PCDHGA3: variants seen among roughly 807,000 people sequenced by gnomAD.
PCDHGA3 encodes the protein protocadherin gamma-A3.
PCDHGA3 carries 40 observed loss-of-function variants against 58.5 expected under a neutral mutation model. That is an observed-to-expected ratio of 0.68 (90% confidence interval 0.53 to 0.89). PCDHGA3 has a LOEUF of 0.89. Among genes scored for constraint, PCDHGA3 ranks in the 40% least tolerant of loss-of-function variants. PCDHGA3 has a pLI of 0.00. For missense variants in PCDHGA3, 1,223 were observed against 1,195.9 expected (o/e 1.02, Z -0.33); for synonymous variants, 530 against 525.7 (o/e 1.01, Z -0.11).
chr5:141,454,575 T>G (rs1430018751), intron 1 of PCDHGA3, among the ~76,000 whole-genome samples: 1 of 151,400 alleles, frequency 6.6e-6, no homozygotes, highest in African/African-American at 2.4e-5. Context: ...CCCGGCTAAT[T>G]TTGTATTTTT....
At chr5:141,415,740 G>GTTTTTTTTTTTTTTTTTTTTTTTTTTT (rs57426385) in intron 1 of PCDHGA3, 4 of 625,042 alleles carry the variant, frequency 6.4e-6, no homozygotes, top group Non-Finnish European at 6.4e-6. Flanking sequence ...GTTTATTAAG[G>GTTTTTTTTTTTTTTTTTTTTTTTTTTT]TTTTTTTTTT....
At chr5:141,408,251 C>T (rs761835750) in intron 1 of PCDHGA3, 6 of 1,597,008 alleles carry the variant, frequency 3.8e-6, no homozygotes, top group Middle Eastern at 1.7e-4. Context: ...GCGGCAGGTG[C>T]TATTTCCTTT....
intron 1 of PCDHGA3, chr5:141,413,515 G>C: frequency 6.2e-7 from 1 of 1,613,984 alleles, no homozygotes; most frequent in Non-Finnish European, 8.5e-7. Context: ...TAATATCCTT[G>C]TGGAAGACAG....
At chr5:141,347,623 C>A (rs2149746008) in intron 1 of PCDHGA3, among the ~76,000 whole-genome samples, 1 of 152,056 alleles carries the variant, frequency 6.6e-6, no homozygotes, top group Non-Finnish European at 1.5e-5. Context: ...CCTGTCTCTA[C>A]TAAAAATACA....
chr5:141,393,620 G>T (rs1335715353), intron 1 of PCDHGA3: 1 of 1,613,908 alleles, frequency 6.2e-7, no homozygotes, highest in Non-Finnish European at 8.5e-7. Flanking sequence ...CCAGCGACCC[G>T]GATGAGGGAA....
rs778684539 is a variant in PCDHGA3 at position 141,477,205 on chromosome 5, G to A, written c.2425-17602G>A. ...CCTCCGTGTACAGCCCAGTACCCGA[G>A]GATGCCCCTCTGGGGACTGTCATCG... On this transcript the variant is annotated intron_variant, in intron 1 of 3. Transcript: ENST00000253812. The surrounding 1 kb of genome is among the most constrained non-coding windows in gnomAD (Gnocchi z 4.9). 1 of 1,614,184 alleles carries A rather than the reference G, an allele frequency of 6.2e-7. No homozygotes were observed. The highest frequency in any genetic ancestry group is 8.5e-7 in the Non-Finnish European group (1 of 1,180,042).
In PCDHGA3 at chr5:141,346,030, A is replaced by G. The variant is rs759448742; in HGVS notation, c.1997A>G (p.Asp666Gly). 6.2e-7 allele frequency: 1 copy of G among 1,612,640 alleles called. No individual in the cohort carries two copies. Among genetic ancestry groups the G allele is most frequent in the Non-Finnish European group, 8.5e-7 (1 of 1,179,630 alleles). ...ATVTLTVAVA[D>G]RIPDILADLG... ...GTCACGCTCACCGTGGCCGTGGCCG[A>G]CAGGATCCCCGACATCCTGGCCGAC... Residue 666 changes from aspartate to glycine, a missense_variant, in exon 1 of 4, where the codon GAC (aspartate) becomes GGC (glycine). By Grantham distance (94) the Asp-to-Gly change is moderately conservative (BLOSUM62 -1). This residue lies in a region of PCDHGA3 where 107 missense variants were observed against 159.8 expected (regional missense o/e 0.67). Coordinates refer to ENST00000253812, the MANE Select transcript of PCDHGA3 (RefSeq NM_018916.4).
At chr5:141,356,015 G>A in intron 1 of PCDHGA3, 1 of 1,613,926 alleles carries the variant, frequency 6.2e-7, no homozygotes, top group Non-Finnish European at 8.5e-7. Flanking sequence ...CCAGATGAAG[G>A]AGCCAATGGA....
At chr5:141,497,223 T>G (rs921763195) in intron 2 of PCDHGA3, among the ~76,000 whole-genome samples, 14 of 151,762 alleles carry the variant, frequency 9.2e-5, no homozygotes, top group African/African-American at 3.4e-4. Context: ...GGGGGGAAGA[T>G]CAGAGAAGGC....
At position 141,371,163 on chromosome 5, in the gene PCDHGA3, G is replaced by C. The variant is rs79773129; in HGVS notation, c.2424+24706G>C. 1.0e-4 allele frequency: 165 copies of C among 1,613,984 alleles called. No individual in the cohort carries two copies. In the African/African-American group the frequency reaches 2.0e-3, roughly 19 times the overall value. ...GGTCAATGTTGCAGAGAACCTGCCC[G>C]CTGGCTCCTCCGTATTAAAAGTGAT... On this transcript the variant is annotated intron_variant, in intron 1 of 3. Coordinates refer to ENST00000253812, the MANE Select transcript of PCDHGA3 (RefSeq NM_018916.4).
chr5:141,408,575 G>A (rs1300122367), intron 1 of PCDHGA3: 4 of 1,613,918 alleles, frequency 2.5e-6, no homozygotes, highest in East Asian at 2.2e-5. Context: ...GGTGATTGAG[G>A]ATGTTAATGA....
At chr5:141,393,129 A>G in intron 1 of PCDHGA3, 2 of 1,613,426 alleles carry the variant, frequency 1.2e-6, no homozygotes, top group Non-Finnish European at 1.7e-6. Context: ...TCTGATAAAT[A>G]TTAACACCCT....
rs764564541 is a variant in PCDHGA3, at chr5:141,345,639, G to T, written c.1606G>T (p.Asp536Tyr). The change falls in exon 1 of 4, where the codon GAC (aspartate) becomes TAC (tyrosine). Residue 536 changes from aspartate to tyrosine, a missense_variant. Asp to Tyr is a radical substitution (Grantham distance 160). Around this residue, in one of 3 missense-constraint regions of PCDHGA3, gnomAD observed 791 missense variants for 708.5 expected, o/e 1.12. Coordinates refer to ENST00000253812, the MANE Select transcript of PCDHGA3 (RefSeq NM_018916.4). ...RDLKLLVTAS[D>Y]SGNPPLSSNV... ...CTTAAAGCTACTGGTGACAGCCAGC[G>T]ACAGCGGGAACCCTCCACTCAGCAG... The T allele has an allele frequency of 3.7e-6, 6 of 1,614,180 alleles. No homozygotes were observed. Among genetic ancestry groups the T allele is most frequent in the Non-Finnish European group, 5.1e-6 (6 of 1,180,044 alleles).
intron 1 of PCDHGA3, chr5:141,350,288 A>G: frequency 2.0e-6 from 3 of 1,513,308 alleles, no homozygotes; most frequent in Non-Finnish European, 2.6e-6. Flanking sequence ...AGCCGAAATG[A>G]TGAAAAGTCA....
intron 1 of PCDHGA3, chr5:141,372,345 C>G: frequency 1.2e-6 from 2 of 1,613,816 alleles, no homozygotes; most frequent in South Asian, 2.2e-5. Context: ...TGATGGAGGA[C>G]AGCAGCCTCT....
intron 1 of PCDHGA3, chr5:141,360,957 C>G: frequency 1.2e-6 from 2 of 1,613,904 alleles, no homozygotes; most frequent in Non-Finnish European, 1.7e-6. Context: ...AAGGCATAAA[C>G]GCAGAGATCA....
Position 141,489,072 on chromosome 5 carries a change from AC to A in PCDHGA3, c.2425-5730del. The A allele has an allele frequency of 6.3e-6, 1 of 157,708 alleles. No individual in the cohort carries two copies. The highest frequency in any genetic ancestry group is 1.2e-5 in the Non-Finnish European group (1 of 83,994). The allele number at this position is 157,708 out of a possible 1,614,324, so 9.8% of individuals were successfully genotyped here. On this transcript the variant is annotated intron_variant, in intron 1 of 3. Coordinates refer to ENST00000253812, the MANE Select transcript of PCDHGA3 (RefSeq NM_018916.4). This position sits in a 1 kb window ranked among gnomAD's most constrained non-coding sequence, Gnocchi z 4.5. ...AATTCAGCTCCCCTCCCCCCTGCCC[AC>A]CCCCGCCACTCGGTGACTAAGAACT...
chr5:141,415,048 G>C lies in PCDHGA3; in HGVS notation c.2424+68591G>C, dbSNP rs535976406. The C allele has an allele frequency of 5.0e-5, 80 of 1,613,320 alleles. 1 individual carries two copies. The Admixed American group carries it at 6.0e-4, about 12-fold the overall frequency. ...CGAGCCGGGACTCTTCGCGGTGGGG[G>C]AGCACACGGGCGAGGTGCGCACGGC... is the stretch of plus-strand genomic sequence containing the variant. On this transcript the variant is annotated intron_variant, in intron 1 of 3. Transcript: ENST00000253812.
chr5:141,481,880 C>CTCCA (rs1483509373), intron 1 of PCDHGA3, among the ~76,000 whole-genome samples: 1 of 145,300 alleles, frequency 6.9e-6, no homozygotes, highest in Non-Finnish European at 1.5e-5. Context: ...CGCCACTGCA[C>CTCCA]TCCAGCCTGG....
Sources: allele counts gnomAD v4.1 joint callset (sites outside exome capture counted in the v4.1 genomes callset), GRCh38; gene constraint gnomAD v4.1.1; regional missense constraint gnomAD v4.1.1; non-coding constraint Gnocchi (gnomAD v3.1); transcripts MANE v1.5; gene names NCBI Gene and HGNC (gene_info 2026-07-23, HGNC 2026-07-21).